The following ERICH3 variants were observed in gnomAD, a reference collection of about 807,000 sequenced individuals.
ERICH3 encodes glutamate rich 3.
ERICH3 carries 126 observed loss-of-function variants against 131.1 expected under a neutral mutation model. The ratio of observed to expected loss-of-function variants is 0.96; its 90% CI spans 0.83 to 1.11. The LOEUF (loss-of-function observed/expected upper bound fraction) is 1.11, where lower values mean the gene tolerates loss of function less well. Ranked by LOEUF, ERICH3 falls within the 50% of genes most tolerant of loss-of-function variation. The pLI is 0.00. For synonymous variants in ERICH3, 695 were observed against 644.6 expected, an observed-to-expected ratio of 1.08 and a Z score of -1.18; for missense variants, 2,050 against 1,810.7, an observed-to-expected ratio of 1.13 and a Z score of -2.40.
At chr1:74,632,129 G>T (rs1379560267) in intron 6 of ERICH3, among the ~76,000 whole-genome samples, 1 of 152,032 alleles carries the variant, frequency 6.6e-6, no homozygotes, top group East Asian at 1.9e-4. Context: ...ACCTTGTGTG[G>T]TATATTTTTT....
At chr1:74,658,197 CTA>C (rs986776295) in intron 1 of ERICH3, among the ~76,000 whole-genome samples, 4 of 152,164 alleles carry the variant, frequency 2.6e-5, no homozygotes, top group African/African-American at 9.6e-5. Flanking sequence ...TGAATGTTCT[CTA>C]TGAGGTATTC....
intron 11 of ERICH3, among the ~76,000 whole-genome samples, chr1:74,596,677 T>C (rs998254627): frequency 2.6e-5 from 4 of 152,098 alleles, no homozygotes; most frequent in African/African-American, 9.7e-5. Flanking sequence ...ATGATACTTT[T>C]CCCCTCAACC....
chr1:74,617,889 T>C (rs1328430496), intron 8 of ERICH3, among the ~76,000 whole-genome samples: 1 of 151,980 alleles, frequency 6.6e-6, no homozygotes, highest in African/African-American at 2.4e-5. Context: ...AAAAAGTCAA[T>C]GATAAAAGAA....
chr1:74,666,198 C>T (rs745342299), intron 1 of ERICH3, among the ~76,000 whole-genome samples: 14 of 152,120 alleles, frequency 9.2e-5, no homozygotes, highest in Admixed American at 2.0e-4. Flanking sequence ...AAAAACTGCA[C>T]TTCACAGTAA....
chr1:74,635,671 C>T (rs994438609), intron 6 of ERICH3, among the ~76,000 whole-genome samples: 4 of 152,096 alleles, frequency 2.6e-5, no homozygotes, highest in Non-Finnish European at 4.4e-5. Context: ...ATTTAAGTAA[C>T]TCATGTTTCA....
At chr1:74,639,302 C>A (rs2100632287) in intron 5 of ERICH3, among the ~76,000 whole-genome samples, 1 of 152,270 alleles carries the variant, frequency 6.6e-6, no homozygotes, top group South Asian at 2.1e-4. Flanking sequence ...AGAACATGAT[C>A]TATTGGCTGT....
At position 74,572,909 on chromosome 1, in the gene ERICH3, T is replaced by A. The variant is rs1308168581; in HGVS notation, c.2801A>T (p.Glu934Val). 6.2e-7 allele frequency: 1 copy of A among 1,613,942 alleles called. No homozygotes were observed. Among genetic ancestry groups the A allele is most frequent in the Non-Finnish European group, 8.5e-7 (1 of 1,179,978 alleles). Residue 934 changes from glutamate to valine, a missense_variant, in exon 14 of 15, where the codon GAG (glutamate) becomes GTG (valine). Physicochemically the swap from Glu to Val is moderately radical, Grantham distance 121 (BLOSUM62 -2). Coordinates refer to ENST00000326665, the MANE Select transcript of ERICH3 (RefSeq NM_001002912.5). ...EAATSEEGEA[E>V]GGVAVSDVGE... is the part of the protein sequence containing the mutation. ...GACATCACTCACAGCCACCCCACCCTCAGCCTCTCCCTCCTCCGATGTCGC... is the reference window on the plus strand; with the variant it reads ...GACATCACTCACAGCCACCCCACCCACAGCCTCTCCCTCCTCCGATGTCGC...
chr1:74,660,605 ATAT>A (rs944513723), intron 1 of ERICH3, among the ~76,000 whole-genome samples: 4 of 148,574 alleles, frequency 2.7e-5, no homozygotes, highest in African/African-American at 9.8e-5. Context: ...GTATATATAT[ATAT>A]ATATATAGTG....
intron 6 of ERICH3, 105 bp from the exon 7 acceptor site, chr1:74,632,033 C>T: frequency 4.1e-6 from 4 of 975,304 alleles, no homozygotes; most frequent in South Asian, 3.2e-5. Context: ...CATGCAAACA[C>T]AACTGATATC....
At chr1:74,671,031 C>T (rs190855718) in intron 1 of ERICH3, among the ~76,000 whole-genome samples, 17 of 152,042 alleles carry the variant, frequency 1.1e-4, no homozygotes, top group African/African-American at 2.4e-4. Context: ...GGAAAATCTC[C>T]GCCCTGGTAA....
chr1:74,655,687 C>T (rs1232819638), intron 1 of ERICH3, among the ~76,000 whole-genome samples: 1 of 152,094 alleles, frequency 6.6e-6, no homozygotes, highest in Non-Finnish European at 1.5e-5. Flanking sequence ...GTAACAGATC[C>T]ACATGCTCTG....
chr1:74,650,427 G>A (rs765028259), intron 1 of ERICH3, among the ~76,000 whole-genome samples: 5 of 152,004 alleles, frequency 3.3e-5, no homozygotes, highest in African/African-American at 7.3e-5. Flanking sequence ...ATGTATACAT[G>A]GTGCATGCAC....
intron 1 of ERICH3, among the ~76,000 whole-genome samples, chr1:74,656,266 G>A (rs917668666): frequency 2.6e-5 from 4 of 152,120 alleles, no homozygotes; most frequent in African/African-American, 7.2e-5. Context: ...GTGAGAATAT[G>A]CTGCAGCACT....
chr1:74,589,458 C>G (rs1647480429), intron 12 of ERICH3, 173 bp downstream of exon 12: 1 of 676,828 alleles, frequency 1.5e-6, no homozygotes, highest in Non-Finnish European at 2.5e-6. Flanking sequence ...AGAAGGCAAA[C>G]AGCAAACTGA....
chr1:74,641,231 A>C, intron 5 of ERICH3, 100 bp downstream of exon 5: 1 of 1,366,726 alleles, frequency 7.3e-7, no homozygotes, highest in Non-Finnish European at 1.0e-6. Context: ...GACTGGCAGC[A>C]TTACGGAGTC....
chr1:74,606,789 T>G lies in ERICH3; in HGVS notation c.1301A>C (p.Glu434Ala), dbSNP rs766170935. The G allele has an allele frequency of 8.1e-6, 13 of 1,613,268 alleles. No homozygotes were observed. In the Admixed American group the frequency reaches 2.0e-4, roughly 25 times the overall value. Residue 434 changes from glutamate to alanine, a missense_variant, in exon 10 of 15, where the codon GAG becomes GCG. Transcript: ENST00000326665. ...LKKAEGKVRK[E>A]REYVIPKRNE... is the part of the protein sequence containing the mutation. ...TCTTTTTGGTATCACATACTCTCTC[T>G]CTTTCCTCACTTTCCCCTCAGCCTT...
chr1:74,620,029 A>T (rs539948977), intron 8 of ERICH3, among the ~76,000 whole-genome samples: 1 of 152,304 alleles, frequency 6.6e-6, no homozygotes, highest in African/African-American at 2.4e-5. Flanking sequence ...CCAAATACGT[A>T]TATTTCTTTT....
rs920696721 is a variant in ERICH3 at position 74,607,502 on chromosome 1, C to T, written c.1188-600G>A. ...AAGAAATATATACAGTCAAATGTTG[C>T]TGCATCTTTTAAGTGAATAACTCAG... is the stretch of plus-strand genomic sequence containing the variant. On this transcript the variant is annotated intron_variant, in intron 9 of 14. Transcript: ENST00000326665. Among the ~76,000 whole-genome samples the T allele has an allele frequency of 3.9e-5, 6 of 152,032 alleles. No individual in the cohort carries two copies. The East Asian group carries it at 5.8e-4, about 15-fold the overall frequency.
chr1:74,628,656 C>T (rs1649493239), intron 7 of ERICH3, among the ~76,000 whole-genome samples: 1 of 151,674 alleles, frequency 6.6e-6, no homozygotes, highest in South Asian at 2.1e-4. Flanking sequence ...GACACCCCTT[C>T]CCCCCATGTT....
Sources: gnomAD v4.1 joint callset for allele counts (sites outside exome capture counted in the v4.1 genomes callset) on GRCh38, gnomAD v4.1.1 for gene constraint, MANE v1.5 for transcripts, NCBI Gene and HGNC (gene_info 2026-07-23, HGNC 2026-07-21) for gene names.